GIN1: variants seen among roughly 807,000 people sequenced by gnomAD.
The protein encoded by GIN1 is gypsy retrotransposon integrase-like protein 1.
Under a neutral mutation model 51.4 loss-of-function variants are expected in GIN1, and 41 were observed. That is an observed-to-expected ratio of 0.80 (90% CI 0.62 to 1.04). The LOEUF (loss-of-function observed/expected upper bound fraction) is 1.04, where lower values mean the gene tolerates loss of function less well. GIN1 is among the 50% of genes least tolerant of loss of function. The pLI is 0.00. For synonymous variants in GIN1, 222 were observed against 206.5 expected, an observed-to-expected ratio of 1.07 and a Z score of -0.64; for missense variants, 610 against 612.4, an observed-to-expected ratio of 1.00 and a Z score of 0.04.
At chr5:103,092,651 G>T (rs1317222380) in intron 7 of GIN1, among the ~76,000 whole-genome samples, 1 of 151,702 alleles carries the variant, frequency 6.6e-6, no homozygotes, top group African/African-American at 2.4e-5. Flanking sequence ...TATTGGTTAA[G>T]AAATTATATA....
intron 4 of GIN1, among the ~76,000 whole-genome samples, chr5:103,100,574 T>C (rs905185361): frequency 6.6e-6 from 1 of 151,814 alleles, no homozygotes; most frequent in South Asian, 2.1e-4. Context: ...AATTTTTTTT[T>C]TTTTTGTAGA....
chr5:103,106,782 G>C lies in GIN1; in HGVS notation c.267C>G (p.Ser89=), dbSNP rs1554196316. ...TGGATTCTACCAGAGTGAGGGTCCT[G>C]GATATACCATGATGAGCTCCACTGT... is the stretch of plus-strand genomic sequence containing the variant. ...ENDSGAHHGI[S]RTLTLVESNY... Residue 89 remains serine (S), a synonymous_variant, in exon 3 of 8, where the codon TCC becomes TCG. Coordinates refer to ENST00000399004, the MANE Select transcript of GIN1 (RefSeq NM_017676.2). The C allele has an allele frequency of 6.2e-7, 1 of 1,605,840 alleles. No individual in the cohort carries two copies. The highest frequency in any genetic ancestry group is 1.3e-5 in the African/African-American group (1 of 74,642).
intron 1 of GIN1, among the ~76,000 whole-genome samples, chr5:103,114,011 A>AT (rs1787957753): frequency 6.6e-6 from 1 of 152,214 alleles, no homozygotes; most frequent in Admixed American, 6.5e-5. Flanking sequence ...AATTCAAAAC[A>AT]TAACCACAGT....
intron 1 of GIN1, among the ~76,000 whole-genome samples, chr5:103,115,202 C>T (rs1439019904): frequency 3.3e-5 from 5 of 152,130 alleles, no homozygotes; most frequent in African/African-American, 1.2e-4. Flanking sequence ...ATTGAGTTTA[C>T]ATTCTAGTGG....
intron 7 of GIN1, among the ~76,000 whole-genome samples, chr5:103,089,069 AAGCTT>A (rs1787163027): frequency 6.6e-6 from 1 of 152,172 alleles, no homozygotes; most frequent in African/African-American, 2.4e-5. Flanking sequence ...GTAGCTTAAA[AAGCTT>A]AGCTTATTTA....
At chr5:103,093,832 G>A (rs951469435) in intron 7 of GIN1, among the ~76,000 whole-genome samples, 5 of 152,106 alleles carry the variant, frequency 3.3e-5, no homozygotes, top group South Asian at 2.1e-4. Flanking sequence ...CTGAAAAAGC[G>A]CTTGGCAATG....
Position 103,111,033 on chromosome 5 carries a change from C to T in GIN1, c.-7-2319G>A, listed in dbSNP as rs76867138. ...CATCCTCACTACACTCTCTCCTCTG[C>T]CAGGACTCCATGGCAAACTTTTACT... On this transcript the variant is annotated intron_variant, in intron 1 of 7. Coordinates refer to ENST00000399004, the MANE Select transcript of GIN1 (RefSeq NM_017676.2). Among the ~76,000 whole-genome samples, 1,261 of 151,732 alleles carry T rather than the reference C, an allele frequency of 8.3e-3. 49 individuals carry two copies. The East Asian group carries it at 0.13, about 15-fold the overall frequency.
intron 1 of GIN1, among the ~76,000 whole-genome samples, chr5:103,110,137 G>A (rs1787832774): frequency 6.6e-6 from 1 of 150,630 alleles, no homozygotes; most frequent in East Asian, 1.9e-4. Context: ...AATGATTCTG[G>A]AAGAAAACAT....
chr5:103,089,925 A>T (rs1384769954), intron 7 of GIN1, among the ~76,000 whole-genome samples: 1 of 152,188 alleles, frequency 6.6e-6, no homozygotes, highest in Non-Finnish European at 1.5e-5. Context: ...AAAAGATGGC[A>T]TAAGTGGGCT....
rs782196067 is a variant in GIN1 at position 103,088,152 on chromosome 5, C to G, written c.1315G>C (p.Gly439Arg). Residue 439 changes from glycine (G) to arginine (R), a missense_variant, in exon 8 of 8, where the codon GGT (glycine) becomes CGT (arginine). Physicochemically the swap from Gly to Arg is moderately radical, Grantham distance 125. Transcript: ENST00000399004. The part of the protein sequence containing the change: ...SEQESLYLLQ[G>R]SVVADHDYIG... ...TAGTCATGATCTGCCACTACTGAACCTTGCAAGAGATAAAGACTTTCTGAA... is the reference window on the plus strand; with the variant it reads ...TAGTCATGATCTGCCACTACTGAACGTTGCAAGAGATAAAGACTTTCTGAA... The G allele has an allele frequency of 3.2e-6, 5 of 1,552,056 alleles. No homozygotes were observed. The highest frequency in any genetic ancestry group is 4.4e-6 in the Non-Finnish European group (5 of 1,147,860).
At chr5:103,100,565 A>G (rs34819) in intron 4 of GIN1, among the ~76,000 whole-genome samples, 2 of 147,146 alleles carry the variant, frequency 1.4e-5, no homozygotes, top group South Asian at 4.3e-4. Flanking sequence ...TTAATTAAAA[A>G]TTTTTTTTTT....
chr5:103,116,989 A>C (rs1354713489), intron 1 of GIN1, among the ~76,000 whole-genome samples: 3 of 152,128 alleles, frequency 2.0e-5, no homozygotes, highest in African/African-American at 7.2e-5. Flanking sequence ...ACAGTTTGGC[A>C]ATTTCTTATA....
At chr5:103,105,781 T>A (rs1787707311) in intron 3 of GIN1, among the ~76,000 whole-genome samples, 1 of 152,176 alleles carries the variant, frequency 6.6e-6, no homozygotes, top group Non-Finnish European at 1.5e-5. Flanking sequence ...TTGATCAAAA[T>A]TTTCACTTTC....
chr5:103,117,971 T>C (rs1788091238), intron 1 of GIN1, among the ~76,000 whole-genome samples: 1 of 152,166 alleles, frequency 6.6e-6, no homozygotes, highest in South Asian at 2.1e-4. Context: ...AGGCCTCTGT[T>C]ACACAAATTA....
chr5:103,087,196 G>C lies in GIN1; in HGVS notation c.*702C>G, dbSNP rs888514844. ...TCCCTGTGTTGCCCAGGCTGGTCTC[G>C]AACTCCTGGGGTCAAGTGATCATCC... On this transcript the variant is annotated 3_prime_UTR_variant, in exon 8 of 8. Transcript: ENST00000399004. 4 of 152,216 alleles carry C rather than the reference G, an allele frequency of 2.6e-5. No individual in the cohort carries two copies. Among genetic ancestry groups the C allele is most frequent in the South Asian group, 2.1e-4 (1 of 4,832 alleles). 9.4% of individuals were successfully genotyped at this position (152,216 alleles called of 1,614,324 possible).
chr5:103,106,286 T>A (rs999551102), intron 3 of GIN1, among the ~76,000 whole-genome samples: 4 of 152,150 alleles, frequency 2.6e-5, no homozygotes, highest in African/African-American at 9.6e-5. Context: ...CTGTCATGTA[T>A]GACATTCTAC....
chr5:103,105,896 T>C (rs986634277), intron 3 of GIN1, among the ~76,000 whole-genome samples: 7 of 152,218 alleles, frequency 4.6e-5, no homozygotes, highest in Admixed American at 4.6e-4. Context: ...TTTCACTGAA[T>C]GTTTGTAAAA....
At chr5:103,103,090 T>C (rs1554195936) in intron 4 of GIN1, among the ~76,000 whole-genome samples, 1 of 152,190 alleles carries the variant, frequency 6.6e-6, no homozygotes, top group East Asian at 1.9e-4. Flanking sequence ...AGGTTGGACC[T>C]TGGCTAATGT....
At position 103,089,734 on chromosome 5, in the gene GIN1, A is replaced by G. The variant is rs78999497; in HGVS notation, c.1295-1562T>C. Among the ~76,000 whole-genome samples the G allele has an allele frequency of 6.8e-3, 1,030 of 152,318 alleles. 7 individuals carry two copies. The highest frequency in any genetic ancestry group is 0.013 in the Non-Finnish European group (859 of 68,028). ...AATTGCCTATTTAGATTAGAGACCA[A>G]TGGAAGTGTCTCAGAACAGATGAAT... is the stretch of plus-strand genomic sequence containing the variant. On this transcript the variant is annotated intron_variant, in intron 7 of 7. Coordinates refer to ENST00000399004, the MANE Select transcript of GIN1 (RefSeq NM_017676.2).
Sources: gnomAD v4.1 joint callset for allele counts (sites outside exome capture counted in the v4.1 genomes callset) on GRCh38, gnomAD v4.1.1 for gene constraint, MANE v1.5 for transcripts, NCBI Gene and HGNC (gene_info 2026-07-23, HGNC 2026-07-21) for gene names.